Variants in NHS observed in about 807,000 individuals in gnomAD.
NHS encodes the protein actin remodeling regulator NHS.
In NHS, 5 loss-of-function variants were observed where a neutral mutation model predicts 72.5. The observed-to-expected ratio is 0.07, with a 90% CI of 0.04 to 0.14. The LOEUF is 0.14. NHS is among the 10% of genes least tolerant of loss of function. NHS has a pLI of 1.00. For synonymous variants in NHS, 464 were observed against 547.7 expected (o/e 0.85, Z 2.13); for missense variants, 1,072 against 1,355.7 (o/e 0.79, Z 3.29).
chrX:17,655,566 C>T (rs1048364267), intron 1 of NHS, among the ~76,000 whole-genome samples: 2 of 112,420 alleles, frequency 1.8e-5, no homozygotes, highest in Admixed American at 9.3e-5. Flanking sequence ...CCCTTTAGCC[C>T]GGTGGAGCTG....
intron 1 of NHS, among the ~76,000 whole-genome samples, chrX:17,539,041 G>A (rs376631460): frequency 8.5e-4 from 95 of 112,332 alleles, no homozygotes; most frequent in Non-Finnish European, 1.1e-3. Context: ...ACCCACATGC[G>A]TCTCTCATGA....
At chrX:17,479,268 G>A (rs747088724) in intron 1 of NHS, among the ~76,000 whole-genome samples, 2 of 112,664 alleles carry the variant, frequency 1.8e-5, no homozygotes, top group Admixed American at 1.9e-4. Context: ...ATTCCATGGT[G>A]TATATGTGCC....
chrX:17,661,701 T>C (rs920616756), intron 1 of NHS, among the ~76,000 whole-genome samples: 1 of 111,693 alleles, frequency 9.0e-6, no homozygotes, highest in Non-Finnish European at 1.9e-5. Flanking sequence ...ATTCACTGTC[T>C]ACCCCTCTTC....
chrX:17,382,651 T>C (rs902227425), intron 1 of NHS, among the ~76,000 whole-genome samples: 5 of 112,551 alleles, frequency 4.4e-5, no homozygotes, highest in African/African-American at 1.6e-4. Flanking sequence ...CTACTGCCAC[T>C]TATTGAAAAG....
chrX:17,706,035 T>G (rs931985062), intron 3 of NHS, among the ~76,000 whole-genome samples: 12 of 110,704 alleles, frequency 1.1e-4, no homozygotes, highest in African/African-American at 1.3e-4. Flanking sequence ...AAAAAAAAAT[T>G]TTTTTAATTA....
In NHS at chrX:17,491,773, G is replaced by A. The variant is rs1249946675; in HGVS notation, c.565+115451G>A. Among the ~76,000 whole-genome samples the A allele has an allele frequency of 2.6e-4, 13 of 50,218 alleles. 1 individual carries two copies. Among genetic ancestry groups the A allele is most frequent in the African/African-American group, 1.1e-3 (13 of 11,933 alleles). 43.6% of individuals were successfully genotyped at this position (50,218 alleles called of 115,157 possible). A position where few individuals can be genotyped will look rare whatever the true frequency, so the allele number is the denominator to read the frequency against. On this transcript the variant is annotated intron_variant, in intron 1 of 8. Transcript: ENST00000676302. ...CCTGGGCTTTTTTTTTTTTTTTTTT[G>A]GTTGGTAGGCTATTAATTACTGCCT...
chrX:17,559,924 A>G (rs1237706572), intron 1 of NHS, among the ~76,000 whole-genome samples: 1 of 111,293 alleles, frequency 9.0e-6, no homozygotes, highest in East Asian at 2.8e-4. Flanking sequence ...TTACTTCCCC[A>G]TCGCCCTATC....
rs1018667548 is a variant in NHS at position 17,618,289 on chromosome X, G to C, written c.566-69453G>C. Among the ~76,000 whole-genome samples the C allele has an allele frequency of 6.3e-5, 7 of 111,810 alleles. No homozygotes were observed. In the South Asian group the frequency reaches 2.3e-3, roughly 36 times the overall value. ...AGTACCACCATTATGAAAAATTCTT[G>C]AGTACAGTTACAGCCAAATCCACAT... On this transcript the variant is annotated intron_variant, in intron 1 of 8. Coordinates refer to ENST00000676302, the MANE Select transcript of NHS (RefSeq NM_001291867.2).
At chrX:17,500,202 T>C (rs1984797552) in intron 1 of NHS, among the ~76,000 whole-genome samples, 1 of 112,018 alleles carries the variant, frequency 8.9e-6, no homozygotes, top group Admixed American at 9.4e-5. Context: ...CATGATGAAA[T>C]TAATCCCCTA....
At chrX:17,538,351 G>C (rs182346008) in intron 1 of NHS, among the ~76,000 whole-genome samples, 2 of 111,564 alleles carry the variant, frequency 1.8e-5, no homozygotes, top group Non-Finnish European at 3.8e-5. Context: ...GGGGGGTCCT[G>C]GAAGCAGTGG....
chrX:17,408,420 G>A (rs902680919), intron 1 of NHS, among the ~76,000 whole-genome samples: 3 of 111,730 alleles, frequency 2.7e-5, no homozygotes, highest in African/African-American at 9.8e-5. Context: ...GTAGATGTTT[G>A]TGGTATTGAA....
At chrX:17,536,055 C>T (rs900102459) in intron 1 of NHS, among the ~76,000 whole-genome samples, 4 of 111,710 alleles carry the variant, frequency 3.6e-5, no homozygotes, top group African/African-American at 1.3e-4. Context: ...TGGTGATGAA[C>T]TTTAAAAACT....
At position 17,731,841 on chromosome X, in the gene NHS, T is replaced by G; in HGVS notation, c.4350-17T>G. On this transcript the variant is annotated splice_polypyrimidine_tract_variant and intron_variant, in intron 8 of 8. Coordinates refer to ENST00000676302, the MANE Select transcript of NHS (RefSeq NM_001291867.2). ...AACTGAGTGAGATGTTTGCCCCATT[T>G]TCTCCTTTTCTCAAAGATCCAAGAG... The G allele has an allele frequency of 8.5e-7, 1 of 1,174,038 alleles. No individual in the cohort carries two copies. Among genetic ancestry groups the G allele is most frequent in the South Asian group, 2.0e-5 (1 of 50,522 alleles).
At chrX:17,465,894 T>A (rs184034342) in intron 1 of NHS, among the ~76,000 whole-genome samples, 96 of 112,739 alleles carry the variant, frequency 8.5e-4, no homozygotes, top group African/African-American at 2.9e-3. Context: ...TCCTTGCCCC[T>A]GGGGAAGCAG....
At chrX:17,409,904 C>T (rs1408948388) in intron 1 of NHS, among the ~76,000 whole-genome samples, 1 of 111,741 alleles carries the variant, frequency 8.9e-6, no homozygotes, top group Admixed American at 9.5e-5. Flanking sequence ...CAGGGTAGGA[C>T]TTGAGCAAAA....
At chrX:17,476,181 A>G (rs773833437) in intron 1 of NHS, among the ~76,000 whole-genome samples, 4 of 111,751 alleles carry the variant, frequency 3.6e-5, no homozygotes, top group South Asian at 7.5e-4. Context: ...AGCACATTTT[A>G]TCAGAAGCCT....
chrX:17,431,268 AT>A lies in NHS; in HGVS notation c.565+54952del. ...GTCTGTGACCCTGGCCAGAACTAGG[AT>A]TTTTTATTTTTAACCTCTCATAAGG... On this transcript the variant is annotated intron_variant, in intron 1 of 8. Transcript: ENST00000676302. Among the ~76,000 whole-genome samples the A allele has an allele frequency of 2.7e-5, 3 of 111,248 alleles. 1 individual carries two copies. The South Asian group carries it at 1.2e-3, about 43-fold the overall frequency.
intron 1 of NHS, among the ~76,000 whole-genome samples, chrX:17,478,366 G>C (rs1299265072): frequency 8.9e-6 from 1 of 112,090 alleles, no homozygotes; most frequent in Non-Finnish European, 1.9e-5. Flanking sequence ...GATGAATTCT[G>C]TGCCAGTTGT....
At chrX:17,622,582 G>T (rs1214420674) in intron 1 of NHS, among the ~76,000 whole-genome samples, 1 of 112,426 alleles carries the variant, frequency 8.9e-6, no homozygotes, top group Non-Finnish European at 1.9e-5. Flanking sequence ...ACAGGCCCTA[G>T]GTCCTGAGGC....
Sources: allele counts gnomAD v4.1 joint callset (sites outside exome capture counted in the v4.1 genomes callset), GRCh38; gene constraint gnomAD v4.1.1; transcripts MANE v1.5; gene names NCBI Gene and HGNC (gene_info 2026-07-23, HGNC 2026-07-21).